Variants in IKZF3 observed in about 807,000 individuals in gnomAD.
IKZF3 encodes IKAROS family zinc finger 3, also known as zinc finger protein Aiolos.
IKZF3 carries 10 observed loss-of-function variants against 49.0 expected under a neutral mutation model. The observed-to-expected ratio is 0.20, with a 90% CI of 0.13 to 0.35. The LOEUF (loss-of-function observed/expected upper bound fraction) is 0.35, where lower values mean the gene tolerates loss of function less well. IKZF3 is among the 10% of genes least tolerant of loss of function. The pLI is 1.00. For synonymous variants in IKZF3, 209 were observed against 228.2 expected (o/e 0.92, Z 0.76); for missense variants, 498 against 664.8 (o/e 0.75, Z 2.76).
At chr17:39,784,548 T>A (rs1410309853) in intron 6 of IKZF3, among the ~76,000 whole-genome samples, 1 of 152,002 alleles carries the variant, frequency 6.6e-6, no homozygotes, top group Non-Finnish European at 1.5e-5. Flanking sequence ...GGACTACAGG[T>A]GAGCACCACC....
intron 3 of IKZF3, among the ~76,000 whole-genome samples, chr17:39,799,922 C>T (rs1345844296): frequency 2.0e-5 from 3 of 152,158 alleles, no homozygotes; most frequent in South Asian, 2.1e-4. Flanking sequence ...GCTACAGATC[C>T]GCTTTTATGT....
At chr17:39,835,162 C>A in intron 1 of IKZF3, 1 of 492,810 alleles carries the variant, frequency 2.0e-6, no homozygotes, top group Admixed American at 2.1e-5. Flanking sequence ...CCTGAGTAGC[C>A]CCTGGTGGTC....
intron 2 of IKZF3, among the ~76,000 whole-genome samples, chr17:39,830,438 G>T (rs986286651): frequency 6.6e-6 from 1 of 152,120 alleles, no homozygotes; most frequent in Admixed American, 6.5e-5. Flanking sequence ...TCAGACAAAG[G>T]ATTAAATAAA....
rs2063140111 is a variant in IKZF3 at position 39,858,818 on chromosome 17, T to C, written c.7+5302A>G. Among the ~76,000 whole-genome samples the C allele has an allele frequency of 2.0e-5, 3 of 152,154 alleles. No homozygotes were observed. In the South Asian group the frequency reaches 6.2e-4, roughly 32 times the overall value. On this transcript the variant is annotated intron_variant, in intron 1 of 7. Coordinates refer to ENST00000346872, the MANE Select transcript of IKZF3 (RefSeq NM_012481.5). ...GACTTACATTTTTTGTTGTTGTTGT[T>C]GAGATGGGTTCTCACTCTGTTGCCC...
chr17:39,781,168 A>G (rs1209349039), intron 6 of IKZF3, among the ~76,000 whole-genome samples: 2 of 152,216 alleles, frequency 1.3e-5, no homozygotes, highest in South Asian at 2.1e-4. Flanking sequence ...AAATGACCAA[A>G]CAGGAAATTA....
chr17:39,769,822 T>C (rs1226157216), intron 7 of IKZF3, among the ~76,000 whole-genome samples: 1 of 152,234 alleles, frequency 6.6e-6, no homozygotes, highest in African/African-American at 2.4e-5. Context: ...CCTAAGAGTT[T>C]GCTTTACTTA....
chr17:39,795,873 C>T (rs2061148763), intron 3 of IKZF3, among the ~76,000 whole-genome samples: 1 of 150,888 alleles, frequency 6.6e-6, no homozygotes, highest in Non-Finnish European at 1.5e-5. Flanking sequence ...GTCAACATAG[C>T]AAAACCCCGT....
intron 5 of IKZF3, 133 bp downstream of exon 5, chr17:39,791,283 A>G: frequency 1.2e-6 from 1 of 859,132 alleles, no homozygotes; most frequent in East Asian, 2.5e-5. Flanking sequence ...TTAGCCCTAG[A>G]GGTCTCTGCT....
At chr17:39,857,549 G>T (rs2063096053) in intron 1 of IKZF3, among the ~76,000 whole-genome samples, 1 of 152,130 alleles carries the variant, frequency 6.6e-6, no homozygotes, top group South Asian at 2.1e-4. Context: ...TATTTTGTGG[G>T]GGGCATGGAT....
intron 2 of IKZF3, among the ~76,000 whole-genome samples, chr17:39,829,887 G>C (rs1489456745): frequency 6.6e-6 from 1 of 152,078 alleles, no homozygotes; most frequent in Non-Finnish European, 1.5e-5. Context: ...GGGAGGTGGA[G>C]GTTGCAGTGA....
chr17:39,801,454 T>C (rs921236707), intron 3 of IKZF3, among the ~76,000 whole-genome samples: 8 of 152,154 alleles, frequency 5.3e-5, no homozygotes, highest in Non-Finnish European at 1.2e-4. Context: ...CAGCTGTTAA[T>C]AGGATTTAGA....
chr17:39,847,141 CA>C (rs2062656667), intron 1 of IKZF3, among the ~76,000 whole-genome samples: 1 of 152,130 alleles, frequency 6.6e-6, no homozygotes, highest in South Asian at 2.1e-4. Context: ...GCAACATTAA[CA>C]CCTGGGACTG....
chr17:39,788,486 G>C (rs2060927108), intron 5 of IKZF3, 112 bp from the exon 6 acceptor site: 2 of 687,844 alleles, frequency 2.9e-6, no homozygotes, highest in Admixed American at 2.2e-5. Context: ...AGTGAAGCCA[G>C]AGTATTTGGA....
chr17:39,860,038 C>T (rs923727743), intron 1 of IKZF3, among the ~76,000 whole-genome samples: 11 of 152,070 alleles, frequency 7.2e-5, no homozygotes, highest in South Asian at 6.2e-4. Context: ...TCAAGACCAA[C>T]CTGACCAACA....
chr17:39,764,224 G>A lies in IKZF3; in HGVS notation c.*1566C>T, dbSNP rs1294792379. 6.6e-6 allele frequency: 1 copy of A among 152,156 alleles called. No homozygotes were observed. The highest frequency in any genetic ancestry group is 1.5e-5 in the Non-Finnish European group (1 of 68,078). 9.4% of individuals were successfully genotyped at this position (152,156 alleles called of 1,614,324 possible). ...CACACCTGTAATCCCAGCACTTTAGGAGGCTGAGGCGGGCTGATTGCTTGA... is the reference window on the plus strand; with the variant it reads ...CACACCTGTAATCCCAGCACTTTAGAAGGCTGAGGCGGGCTGATTGCTTGA... On this transcript the variant is annotated 3_prime_UTR_variant, in exon 8 of 8. Transcript: ENST00000346872.
At chr17:39,779,742 C>G (rs1020943929) in intron 6 of IKZF3, among the ~76,000 whole-genome samples, 1 of 151,224 alleles carries the variant, frequency 6.6e-6, no homozygotes, top group African/African-American at 2.4e-5. Context: ...TAGAGCGCCA[C>G]AGTTTGCCCT....
At chr17:39,824,458 G>A (rs1361401205) in intron 3 of IKZF3, among the ~76,000 whole-genome samples, 1 of 152,120 alleles carries the variant, frequency 6.6e-6, no homozygotes, top group African/African-American at 2.4e-5. Context: ...GACTGTTAGG[G>A]AGGCATGATT....
chr17:39,837,710 C>T (rs2062338678), intron 1 of IKZF3, among the ~76,000 whole-genome samples: 1 of 151,810 alleles, frequency 6.6e-6, no homozygotes, highest in African/African-American at 2.4e-5. Flanking sequence ...GCAATCTTGG[C>T]TCACTGCAAG....
At chr17:39,845,788 C>T (rs1047962314) in intron 1 of IKZF3, among the ~76,000 whole-genome samples, 7 of 152,180 alleles carry the variant, frequency 4.6e-5, no homozygotes, top group Non-Finnish European at 7.3e-5. Flanking sequence ...GCGGTTTTCA[C>T]TGACGCAGTA....
Sources: gnomAD v4.1 joint callset for allele counts (sites outside exome capture counted in the v4.1 genomes callset) on GRCh38, gnomAD v4.1.1 for gene constraint, MANE v1.5 for transcripts, NCBI Gene and HGNC (gene_info 2026-07-23, HGNC 2026-07-21) for gene names.